Variants in FGGY observed in about 807,000 individuals in gnomAD.
FGGY encodes the protein FGGY carbohydrate kinase domain-containing protein.
FGGY carries 72 observed loss-of-function variants against 71.3 expected under a neutral mutation model. The observed-to-expected ratio is 1.01, with a 90% confidence interval of 0.84 to 1.23. The LOEUF is 1.23. Ranked by LOEUF, FGGY falls within the 50% of genes most tolerant of loss-of-function variation. The pLI is 0.00. For missense variants in FGGY, 668 were observed against 682.3 expected, an observed-to-expected ratio of 0.98 and a Z score of 0.23; for synonymous variants, 251 against 250.3, an observed-to-expected ratio of 1.00 and a Z score of -0.02.
chr1:59,335,221 C>G (rs1051375183), intron 2 of FGGY, among the ~76,000 whole-genome samples: 16 of 152,190 alleles, frequency 1.1e-4, no homozygotes, highest in Admixed American at 3.3e-4. Flanking sequence ...CACCTGTTTG[C>G]AGTCAACCCC....
intron 2 of FGGY, among the ~76,000 whole-genome samples, chr1:59,324,577 A>T (rs952126899): frequency 6.6e-6 from 1 of 152,154 alleles, no homozygotes; most frequent in African/African-American, 2.4e-5. Flanking sequence ...CGCCCGGCCA[A>T]TAACTACTTT....
intron 5 of FGGY, among the ~76,000 whole-genome samples, chr1:59,430,065 G>A (rs371617607): frequency 5.9e-5 from 9 of 152,128 alleles, no homozygotes; most frequent in African/African-American, 2.2e-4. Context: ...GAAGTAATAA[G>A]GAATAAACCC....
At chr1:59,639,808 C>T (rs1406936880) in intron 11 of FGGY, among the ~76,000 whole-genome samples, 1 of 152,184 alleles carries the variant, frequency 6.6e-6, no homozygotes. Flanking sequence ...CCTTCCCTAG[C>T]CAATGTCTGT....
At chr1:59,604,870 A>T (rs1027907422) in intron 8 of FGGY, among the ~76,000 whole-genome samples, 10 of 152,210 alleles carry the variant, frequency 6.6e-5, no homozygotes, top group African/African-American at 2.4e-4. Context: ...CTAAGTGGTA[A>T]TGAATATGGA....
intron 11 of FGGY, among the ~76,000 whole-genome samples, chr1:59,652,138 G>A (rs142663634): frequency 0.017 from 2,634 of 152,214 alleles, 28 homozygotes; most frequent in South Asian, 0.041. Context: ...AGTCTGATGG[G>A]CTTCCCTTTG....
rs2071189227 is a variant in FGGY at position 59,446,145 on chromosome 1, T to C, written c.555-10816T>C. Among the ~76,000 whole-genome samples, 4 of 152,328 alleles carry C rather than the reference T, an allele frequency of 2.6e-5. No homozygotes were observed. In the South Asian group the frequency reaches 8.3e-4, roughly 32 times the overall value. On this transcript the variant is annotated intron_variant, in intron 5 of 15. Coordinates refer to ENST00000303721, the MANE Select transcript of FGGY (RefSeq NM_018291.5). Reference sequence around the variant, plus strand: ...CTGCTTTCTCTCATATTGCCTCTAATTAGTACCGTCCTTATTTTTTAGGGG... The same window carrying C: ...CTGCTTTCTCTCATATTGCCTCTAACTAGTACCGTCCTTATTTTTTAGGGG...
intron 5 of FGGY, among the ~76,000 whole-genome samples, chr1:59,431,413 G>A (rs56017974): frequency 0.089 from 13,492 of 152,050 alleles, 906 homozygotes; most frequent in African/African-American, 0.2. Flanking sequence ...CTGTATTTTC[G>A]CATATGTGAC....
intron 6 of FGGY, among the ~76,000 whole-genome samples, chr1:59,466,594 A>G (rs2092644937): frequency 6.6e-6 from 1 of 152,184 alleles, no homozygotes; most frequent in Admixed American, 6.5e-5. Flanking sequence ...GAAAATTTTC[A>G]CAACCTGCTC....
intron 3 of FGGY, among the ~76,000 whole-genome samples, chr1:59,342,900 A>G (rs928054121): frequency 6.6e-6 from 1 of 152,196 alleles, no homozygotes; most frequent in Non-Finnish European, 1.5e-5. Flanking sequence ...TCTATGATAA[A>G]ATAGTCTCAT....
intron 2 of FGGY, among the ~76,000 whole-genome samples, chr1:59,334,205 T>C (rs2049027334): frequency 6.6e-6 from 1 of 152,166 alleles, no homozygotes; most frequent in African/African-American, 2.4e-5. Context: ...TACAGTTGCA[T>C]GGTCTTGGGT....
intron 7 of FGGY, among the ~76,000 whole-genome samples, chr1:59,534,522 A>G (rs1026816029): frequency 2.0e-4 from 31 of 152,004 alleles, no homozygotes; most frequent in African/African-American, 6.8e-4. Flanking sequence ...TCCAAGACAC[A>G]TAATTGTCAG....
chr1:59,397,424 C>T (rs1370274936), intron 5 of FGGY, among the ~76,000 whole-genome samples: 2 of 152,204 alleles, frequency 1.3e-5, no homozygotes, highest in Non-Finnish European at 2.9e-5. Context: ...GCCACAGAAA[C>T]AACTCATGTA....
intron 8 of FGGY, among the ~76,000 whole-genome samples, chr1:59,595,329 A>AAATGAC (rs2096507781): frequency 6.6e-6 from 1 of 152,150 alleles, no homozygotes; most frequent in Admixed American, 6.5e-5. Context: ...TTTAAAAAAA[A>AAATGAC]ATGACAGTAA....
At chr1:59,340,368 A>G (rs926023593) in intron 3 of FGGY, among the ~76,000 whole-genome samples, 5 of 152,222 alleles carry the variant, frequency 3.3e-5, no homozygotes, top group Admixed American at 6.5e-5. Context: ...CTTGAAACAC[A>G]CAGGTGGTTT....
intron 14 of FGGY, among the ~76,000 whole-genome samples, chr1:59,694,686 G>A (rs902942120): frequency 8.2e-5 from 12 of 145,766 alleles, no homozygotes; most frequent in Non-Finnish European, 1.7e-4. Flanking sequence ...AGATAACTAG[G>A]TGTCTTTTTT....
intron 8 of FGGY, among the ~76,000 whole-genome samples, chr1:59,554,920 G>A (rs1163028166): frequency 2.0e-5 from 3 of 152,238 alleles, no homozygotes; most frequent in East Asian, 3.9e-4. Flanking sequence ...AATTTTCCCA[G>A]ATAAGTATAA....
chr1:59,328,493 T>A (rs1156438629), intron 2 of FGGY, among the ~76,000 whole-genome samples: 1 of 152,246 alleles, frequency 6.6e-6, no homozygotes, highest in African/African-American at 2.4e-5. Context: ...TGGTTTGATC[T>A]TCTATCTAGA....
At chr1:59,641,662 CTTGAAAATATTTGTAA>C (rs2097028663) in intron 11 of FGGY, among the ~76,000 whole-genome samples, 1 of 152,154 alleles carries the variant, frequency 6.6e-6, no homozygotes, top group Non-Finnish European at 1.5e-5. Flanking sequence ...TTCTGCTTCT[CTTGAAAATATTTGTAA>C]AAATGCAAAA....
At chr1:59,597,413 G>A (rs948457527) in intron 8 of FGGY, among the ~76,000 whole-genome samples, 4 of 152,146 alleles carry the variant, frequency 2.6e-5, no homozygotes. Flanking sequence ...ACCCATCTGA[G>A]TGATCGTGTT....
Sources: gnomAD v4.1 joint callset for allele counts (sites outside exome capture counted in the v4.1 genomes callset) on GRCh38, gnomAD v4.1.1 for gene constraint, MANE v1.5 for transcripts, NCBI Gene and HGNC (gene_info 2026-07-23, HGNC 2026-07-21) for gene names.